NPBWR1: variants seen among roughly 807,000 people sequenced by gnomAD.
NPBWR1 encodes neuropeptides B and W receptor 1.
A neutral mutation model predicts 2.8 loss-of-function variants in NPBWR1; 4 were observed. The ratio of observed to expected loss-of-function variants is 1.44; its 90% confidence interval spans 0.71 to 3.29. The LOEUF is 3.29. Among genes scored for constraint, NPBWR1 ranks in the 30% most tolerant of loss-of-function variants. The pLI is 0.01. For synonymous variants in NPBWR1, 250 were observed against 224.5 expected (o/e 1.11, Z -1.02); for missense variants, 545 against 462.5 (o/e 1.18, Z -1.64).
rs1292411915 is a variant in NPBWR1, at chr8:52,940,116, C to T, written c.209C>T (p.Thr70Ile). Reference sequence around the variant, plus strand: ...TTGCTGCGGGCGCCCCGCATGAAGACCGTCACCAACCTGTTCATCCTCAAC... The same window carrying T: ...TTGCTGCGGGCGCCCCGCATGAAGATCGTCACCAACCTGTTCATCCTCAAC... ...YVLLRAPRMK[T>I]VTNLFILNLA... is the part of the protein sequence containing the mutation. Residue 70 changes from threonine to isoleucine, a missense_variant, in exon 2 of 2, where the codon ACC becomes ATC. Coordinates refer to ENST00000674939, the MANE Select transcript of NPBWR1 (RefSeq NM_005285.5). 1.2e-6 allele frequency: 2 copies of T among 1,612,844 alleles called. No homozygotes were observed. Among genetic ancestry groups the T allele is most frequent in the Non-Finnish European group, 1.7e-6 (2 of 1,180,004 alleles).
At position 52,940,448 on chromosome 8, in the gene NPBWR1, G is replaced by C. The variant is rs754573121; in HGVS notation, c.541G>C (p.Asp181His). 7.5e-6 allele frequency: 12 copies of C among 1,591,708 alleles called. No homozygotes were observed. In the East Asian group the frequency reaches 2.5e-4, roughly 33 times the overall value. The change falls in exon 2 of 2, where the codon GAC becomes CAC. Residue 181 changes from aspartate to histidine, a missense_variant. Physicochemically the swap from Asp to His is moderately conservative, Grantham distance 81. Transcript: ENST00000674939. ...LPFAVFARLD[D>H]EQGRRQCVLV... is the part of the protein sequence containing the mutation. Reference sequence around the variant, plus strand: ...CTTCGCAGTCTTCGCCCGGCTAGACGACGAGCAGGGCCGGCGCCAGTGCGT... The same window carrying C: ...CTTCGCAGTCTTCGCCCGGCTAGACCACGAGCAGGGCCGGCGCCAGTGCGT...
Position 52,941,199 on chromosome 8 carries a change from C to G in NPBWR1, c.*305C>G, listed in dbSNP as rs1860193298. ...AGGAGGAGGGCGGTATTGCTGGGAA[C>G]CGCCCCCTCCCTGCCCTGCTCCCTG... is the stretch of plus-strand genomic sequence containing the variant. On this transcript the variant is annotated 3_prime_UTR_variant, in exon 2 of 2. Coordinates refer to ENST00000674939, the MANE Select transcript of NPBWR1 (RefSeq NM_005285.5). The G allele has an allele frequency of 1.2e-5, 5 of 417,528 alleles. No individual in the cohort carries two copies. Among genetic ancestry groups the G allele is most frequent in the Non-Finnish European group, 2.2e-5 (5 of 230,940 alleles). 25.9% of individuals were successfully genotyped at this position (417,528 alleles called of 1,614,324 possible).
At chr8:52,939,617 G>A (rs1379186055) in intron 1 of NPBWR1, 94 bp from the exon 2 acceptor site, 2 of 394,868 alleles carry the variant, frequency 5.1e-6, no homozygotes, top group Admixed American at 4.2e-5. Flanking sequence ...GGTTTGGGGC[G>A]CCGCGGCGCC....
In NPBWR1 at chr8:52,940,857, A is replaced by G. The variant is rs753910035; in HGVS notation, c.950A>G (p.Asn317Ser). Residue 317 changes from asparagine (N) to serine (S), a missense_variant, in exon 2 of 2, where the codon AAC (asparagine) becomes AGC (serine). Transcript: ENST00000674939. ...YAFLDASFRR[N>S]LRQLITCRAA... is the part of the protein sequence containing the mutation. ...TTCCTGGACGCCAGCTTCCGCAGGA[A>G]CCTCCGCCAGCTGATAACTTGCCGC... 6.8e-6 allele frequency: 11 copies of G among 1,611,032 alleles called. No homozygotes were observed. The highest frequency in any genetic ancestry group is 9.3e-6 in the Non-Finnish European group (11 of 1,178,862).
At position 52,940,638 on chromosome 8, in the gene NPBWR1, G is replaced by A. The variant is rs906189485; in HGVS notation, c.731G>A (p.Arg244His). 4.3e-6 allele frequency: 7 copies of A among 1,609,378 alleles called. No homozygotes were observed. The Admixed American group carries it at 5.0e-5, about 12-fold the overall frequency. Residue 244 changes from arginine to histidine, a missense_variant, in exon 2 of 2, where the codon CGC (arginine) becomes CAC (histidine). By Grantham distance (29) the Arg-to-His change is conservative (BLOSUM62 0). Coordinates refer to ENST00000674939, the MANE Select transcript of NPBWR1 (RefSeq NM_005285.5). ...RLDSHAKALE[R>H]AKKRVTFLVV... is the part of the protein sequence containing the mutation. ...GACAGCCACGCCAAGGCCCTGGAGC[G>A]CGCCAAGAAGCGGGTGACCTTCCTG...
rs1293887128 is a variant in NPBWR1 at position 52,940,738 on chromosome 8, C to T, written c.831C>T (p.Thr277=). 6 of 1,613,780 alleles carry T rather than the reference C, an allele frequency of 3.7e-6. No homozygotes were observed. The highest frequency in any genetic ancestry group is 5.1e-6 in the Non-Finnish European group (6 of 1,180,006). ...TGAGCACCGTGGTGGCGCTCACCAC[C>T]GACCTCCCGCAGACGCCGCTGGTCA... ...YHLSTVVALT[T]DLPQTPLVIA... The change falls in exon 2 of 2, where the codon ACC becomes ACT. Residue 277 remains threonine, a synonymous_variant. Coordinates refer to ENST00000674939, the MANE Select transcript of NPBWR1 (RefSeq NM_005285.5).
At chr8:52,939,644 G>C (rs41265256) in intron 1 of NPBWR1, 67 bp from the exon 2 acceptor site, 7 of 412,560 alleles carry the variant, frequency 1.7e-5, no homozygotes, top group South Asian at 1.5e-4. Flanking sequence ...ACCCCTCCTC[G>C]GGACCGCGCC....
rs1013937552 is a variant in NPBWR1 at position 52,943,666 on chromosome 8, G to A, written c.*2772G>A. The stretch of plus-strand genomic sequence containing the variant: ...ATGCTTATGTTTTCTCTTGACAAAC[G>A]CAGAAACTCTGTAGTCCATTGTAGA... On this transcript the variant is annotated 3_prime_UTR_variant, in exon 2 of 2. Transcript: ENST00000674939. 1.3e-5 allele frequency among the ~76,000 whole-genome samples: 2 copies of A among 152,164 alleles called. No homozygotes were observed. The highest frequency in any genetic ancestry group is 4.1e-4 in the South Asian group (2 of 4,832).
rs1860166619 is a variant in NPBWR1 at position 52,940,133 on chromosome 8, A to G, written c.226A>G (p.Ile76Val). 6.2e-7 allele frequency: 1 copy of G among 1,613,180 alleles called. No homozygotes were observed. The highest frequency in any genetic ancestry group is 1.3e-5 in the African/African-American group (1 of 74,918). The change falls in exon 2 of 2, where the codon ATC becomes GTC. Residue 76 changes from isoleucine (I) to valine (V), a missense_variant. Physicochemically the swap from Ile to Val is conservative, Grantham distance 29. Transcript: ENST00000674939. ...PRMKTVTNLF[I>V]LNLAIADELF... The stretch of plus-strand genomic sequence containing the variant: ...CATGAAGACCGTCACCAACCTGTTC[A>G]TCCTCAACCTGGCCATCGCCGACGA...
Position 52,941,128 on chromosome 8 carries a change from C to T in NPBWR1, c.*234C>T. 1 of 604,664 alleles carries T rather than the reference C, an allele frequency of 1.7e-6. No homozygotes were observed. The highest frequency in any genetic ancestry group is 2.9e-6 in the Non-Finnish European group (1 of 349,688). The allele number at this position is 604,664 out of a possible 1,614,324, so 37.5% of individuals were successfully genotyped here. On this transcript the variant is annotated 3_prime_UTR_variant, in exon 2 of 2. Coordinates refer to ENST00000674939, the MANE Select transcript of NPBWR1 (RefSeq NM_005285.5). The stretch of plus-strand genomic sequence containing the variant: ...TGAGGAGAACTGAGGCTGAGATCGC[C>T]ACACTGAGGGCTCCCTAAAGCCGAG...
rs1029500830 is a variant in NPBWR1 at position 52,941,137 on chromosome 8, G to T, written c.*243G>T. ...CTGAGGCTGAGATCGCCACACTGAGGGCTCCCTAAAGCCGAGGTGGAGGAA... is the reference window on the plus strand; with the variant it reads ...CTGAGGCTGAGATCGCCACACTGAGTGCTCCCTAAAGCCGAGGTGGAGGAA... On this transcript the variant is annotated 3_prime_UTR_variant, in exon 2 of 2. Transcript: ENST00000674939. 9 of 595,248 alleles carry T rather than the reference G, an allele frequency of 1.5e-5. No individual in the cohort carries two copies. Among genetic ancestry groups the T allele is most frequent in the African/African-American group, 1.5e-4 (8 of 53,810 alleles). The allele number at this position is 595,248 out of a possible 1,614,324, so 36.9% of individuals were successfully genotyped here. A position where few individuals can be genotyped will look rare whatever the true frequency, so the allele number is the denominator to read the frequency against.
rs1443125465 is a variant in NPBWR1, at chr8:52,942,018, T to G, written c.*1124T>G. ...AGGACTGAAAACTTTATAAATAATG[T>G]ACATGTCCTAATCTCACGAGTTGCC... On this transcript the variant is annotated 3_prime_UTR_variant, in exon 2 of 2. Coordinates refer to ENST00000674939, the MANE Select transcript of NPBWR1 (RefSeq NM_005285.5). 6.6e-6 allele frequency among the ~76,000 whole-genome samples: 1 copy of G among 152,254 alleles called. No homozygotes were observed. Among genetic ancestry groups the G allele is most frequent in the Admixed American group, 6.5e-5 (1 of 15,290 alleles).
Position 52,940,862 on chromosome 8 carries a change from C to G in NPBWR1, c.955C>G (p.Arg319Gly), listed in dbSNP as rs36068168. 4 of 1,611,232 alleles carry G rather than the reference C, an allele frequency of 2.5e-6. No individual in the cohort carries two copies. In the Admixed American group the frequency reaches 6.7e-5, roughly 27 times the overall value. Residue 319 changes from arginine to glycine, a missense_variant, in exon 2 of 2, where the codon CGC (arginine) becomes GGC (glycine). By Grantham distance (125) the Arg-to-Gly change is moderately radical (BLOSUM62 -2). Transcript: ENST00000674939. ...GGACGCCAGCTTCCGCAGGAACCTC[C>G]GCCAGCTGATAACTTGCCGCGCGGC... ...FLDASFRRNLRQLITCRAAA is the reference protein window; with the variant it reads ...FLDASFRRNLGQLITCRAAA
chr8:52,940,391 G>T lies in NPBWR1; in HGVS notation c.484G>T (p.Val162Leu), dbSNP rs748032776. 4 of 1,602,846 alleles carry T rather than the reference G, an allele frequency of 2.5e-6. No homozygotes were observed. The highest frequency in any genetic ancestry group is 3.4e-6 in the Non-Finnish European group (4 of 1,178,668). The part of the protein sequence containing the change: ...YSAARAVSLA[V>L]WGIVTLVVLP... ...CGCCGCGCGCGCGGTGAGCCTGGCC[G>T]TGTGGGGGATCGTCACACTCGTCGT... The change falls in exon 2 of 2, where the codon GTG becomes TTG. Residue 162 changes from valine (V) to leucine (L), a missense_variant. Coordinates refer to ENST00000674939, the MANE Select transcript of NPBWR1 (RefSeq NM_005285.5).
chr8:52,941,007 C>T lies in NPBWR1; in HGVS notation c.*113C>T, dbSNP rs759137382. The T allele has an allele frequency of 2.4e-5, 33 of 1,362,120 alleles. No homozygotes were observed. The highest frequency in any genetic ancestry group is 4.4e-5 in the African/African-American group (3 of 68,226). The allele number at this position is 1,362,120 out of a possible 1,614,324, so 84.4% of individuals were successfully genotyped here. On this transcript the variant is annotated 3_prime_UTR_variant, in exon 2 of 2. Coordinates refer to ENST00000674939, the MANE Select transcript of NPBWR1 (RefSeq NM_005285.5). ...CCTAGGCCTCCTGGGGAAACCGACT[C>T]GCGCCCCATACCCGACCTAGCAGAT...
chr8:52,939,940 C>T lies in NPBWR1; in HGVS notation c.33C>T (p.Pro11=), dbSNP rs764917750. Residue 11 remains proline, a synonymous_variant, in exon 2 of 2, where the codon CCC becomes CCT. Transcript: ENST00000674939. MDNASFSEPW[P]ANASGPDPAL... ...ACGCCTCGTTCTCGGAGCCCTGGCC[C>T]GCCAACGCATCGGGCCCGGACCCGG... 1.3e-6 allele frequency: 2 copies of T among 1,567,496 alleles called. No individual in the cohort carries two copies. Among genetic ancestry groups the T allele is most frequent in the South Asian group, 2.3e-5 (2 of 85,876 alleles).
rs1860172407 is a variant in NPBWR1, at chr8:52,940,354, C to T, written c.447C>T (p.Gly149=). Reference sequence around the variant, plus strand: ...CTGCGGAGTCGCGCCGGGTGGCCGGCCGCACCTACAGCGCCGCGCGCGCGG... The same window carrying T: ...CTGCGGAGTCGCGCCGGGTGGCCGGTCGCACCTACAGCGCCGCGCGCGCGG... ...LATAESRRVA[G]RTYSAARAVS... The change falls in exon 2 of 2, where the codon GGC becomes GGT. Residue 149 remains glycine, a synonymous_variant. Transcript: ENST00000674939. 1.2e-6 allele frequency: 2 copies of T among 1,608,322 alleles called. No individual in the cohort carries two copies. Among genetic ancestry groups the T allele is most frequent in the African/African-American group, 2.7e-5 (2 of 74,924 alleles).
In NPBWR1 at chr8:52,941,227, G is replaced by T. The variant is rs1860193819; in HGVS notation, c.*333G>T. On this transcript the variant is annotated 3_prime_UTR_variant, in exon 2 of 2. Coordinates refer to ENST00000674939, the MANE Select transcript of NPBWR1 (RefSeq NM_005285.5). ...CCCCCTCCCTGCCCTGCTCCCTGCT[G>T]CCCCACCCGAGCCCTGGCAGTCTGG... The T allele has an allele frequency of 7.1e-6, 2 of 280,108 alleles. No individual in the cohort carries two copies. The highest frequency in any genetic ancestry group is 4.9e-5 in the Admixed American group (1 of 20,224). 17.4% of individuals were successfully genotyped at this position (280,108 alleles called of 1,614,324 possible).
At position 52,940,130 on chromosome 8, in the gene NPBWR1, T is replaced by G. The variant is rs552774237; in HGVS notation, c.223T>G (p.Phe75Val). 100 of 1,613,290 alleles carry G rather than the reference T, an allele frequency of 6.2e-5. 2 individuals are homozygous for G. In the South Asian group the frequency reaches 1.1e-3, roughly 18 times the overall value. The change falls in exon 2 of 2, where the codon TTC (phenylalanine) becomes GTC (valine). Residue 75 changes from phenylalanine (F) to valine (V), a missense_variant. Coordinates refer to ENST00000674939, the MANE Select transcript of NPBWR1 (RefSeq NM_005285.5). ...APRMKTVTNLFILNLAIADEL... is the reference protein window; with the variant it reads ...APRMKTVTNLVILNLAIADEL... ...CCGCATGAAGACCGTCACCAACCTGTTCATCCTCAACCTGGCCATCGCCGA... is the reference window on the plus strand; with the variant it reads ...CCGCATGAAGACCGTCACCAACCTGGTCATCCTCAACCTGGCCATCGCCGA...
Sources: allele counts gnomAD v4.1 joint callset (sites outside exome capture counted in the v4.1 genomes callset), GRCh38; gene constraint gnomAD v4.1.1; transcripts MANE v1.5; gene names NCBI Gene and HGNC (gene_info 2026-07-23, HGNC 2026-07-21).